The following SPINK1 variants were observed in gnomAD, a reference collection of about 807,000 sequenced individuals.
SPINK1 encodes the protein serine peptidase inhibitor Kazal type 1, also known as serine protease inhibitor Kazal-type 1.
SPINK1 carries 5 observed loss-of-function variants against 9.5 expected under a neutral mutation model. That is an observed-to-expected ratio of 0.52 (90% CI 0.27 to 1.10). SPINK1 has a LOEUF of 1.10. SPINK1 is among the 50% of genes least tolerant of loss of function. SPINK1 has a pLI of 0.11. For missense variants in SPINK1, 88 were observed against 92.7 expected, an observed-to-expected ratio of 0.95 and a Z score of 0.21; for synonymous variants, 37 against 32.3, an observed-to-expected ratio of 1.14 and a Z score of -0.49.
rs1463001478 is a variant in SPINK1, at chr5:147,831,571, C to G, written c.7G>C (p.Val3Leu). Residue 3 changes from valine (V) to leucine (L), a missense_variant, in exon 1 of 4, where the codon GTA becomes CTA. By Grantham distance (32) the Val-to-Leu change is conservative (BLOSUM62 1). Coordinates refer to ENST00000296695, the MANE Select transcript of SPINK1 (RefSeq NM_001379610.1). The stretch of plus-strand genomic sequence containing the variant: ...GCACTGAGAAGAAAGATGCCTGTTA[C>G]CTTCATGGCTGAAGTTCTGCGTCCA... MK[V>L]TGIFLLSALA... 1.2e-6 allele frequency: 2 copies of G among 1,613,464 alleles called. No homozygotes were observed. The highest frequency in any genetic ancestry group is 1.3e-5 in the African/African-American group (1 of 74,906).
the SPINK1 span, among the ~76,000 whole-genome samples, chr5:147,837,133 A>AT: frequency 1.4e-4 from 21 of 152,114 alleles, no homozygotes; most frequent in African/African-American, 5.1e-4. Context: ...TAAAATTCAA[A>AT]TTTTTTTTGT....
intron 2 of SPINK1, among the ~76,000 whole-genome samples, chr5:147,828,360 T>C (rs1304338115): frequency 2.6e-5 from 4 of 152,204 alleles, no homozygotes; most frequent in Non-Finnish European, 4.4e-5. Context: ...CTTCTGAAAC[T>C]CAGTCAGTTC....
chr5:147,837,649 T>TTTTCTTCTTTCTTTCTTTCTTTCTTTC, the SPINK1 span, among the ~76,000 whole-genome samples: 1 of 107,032 alleles, frequency 9.3e-6, no homozygotes, highest in African/African-American at 3.7e-5. Flanking sequence ...CATTAACTTC[T>TTTTCTTCTTTCTTTCTTTCTTTCTTTC]TTTCTTTCTT....
At chr5:147,834,668 G>A (rs1361904900), upstream of SPINK1, among the ~76,000 whole-genome samples, 2 of 152,008 alleles carry the variant, frequency 1.3e-5, no homozygotes, top group Non-Finnish European at 2.9e-5. Flanking sequence ...TGGGGAGAAG[G>A]GAATTGGCTG....
In SPINK1 at chr5:147,831,652, G is replaced by A; in HGVS notation, c.-75C>T. The A allele has an allele frequency of 6.3e-7, 1 of 1,596,820 alleles. No homozygotes were observed. Among genetic ancestry groups the A allele is most frequent in the Admixed American group, 1.7e-5 (1 of 58,788 alleles). On this transcript the variant is annotated 5_prime_UTR_variant, in exon 1 of 4. Transcript: ENST00000296695. Reference sequence around the variant, plus strand: ...CACGTCTCTTCAGAAGCCTGGGACTGGAAGGGTCATATGGCAGATGGCAGC... The same window carrying A: ...CACGTCTCTTCAGAAGCCTGGGACTAGAAGGGTCATATGGCAGATGGCAGC...
chr5:147,826,120 T>C (rs2436411), intron 3 of SPINK1, among the ~76,000 whole-genome samples: 2 of 152,178 alleles, frequency 1.3e-5, no homozygotes. Context: ...CAGATTCCCT[T>C]TGAAGACGTA....
chr5:147,826,417 G>T (rs187345815), intron 3 of SPINK1, among the ~76,000 whole-genome samples: 3 of 152,178 alleles, frequency 2.0e-5, no homozygotes, highest in Non-Finnish European at 4.4e-5. Flanking sequence ...GCATACAAAT[G>T]TGCCTCCCAT....
chr5:147,826,492 G>A (rs1174923794), intron 3 of SPINK1, among the ~76,000 whole-genome samples: 1 of 152,182 alleles, frequency 6.6e-6, no homozygotes. Flanking sequence ...AGGCTAAGCA[G>A]ATAGGGTGTT....
chr5:147,831,696 C>A, upstream of SPINK1: 1 of 1,538,960 alleles, frequency 6.5e-7, no homozygotes, highest in East Asian at 2.4e-5. Context: ...ACCTACTGGG[C>A]TATATCACAG....
Position 147,829,618 on chromosome 5 carries a change from G to A in SPINK1, c.68C>T (p.Ala23Val), listed in dbSNP as rs995510510. The A allele has an allele frequency of 6.2e-7, 1 of 1,612,548 alleles. No individual in the cohort carries two copies. The highest frequency in any genetic ancestry group is 1.1e-5 in the South Asian group (1 of 91,054). ...ALLSLSGNTGADSLGREAKCY... is the reference protein window; with the variant it reads ...ALLSLSGNTGVDSLGREAKCY... ...CTTTACCTCTCTTCCCAGGGAGTCAGCTCCAGTGTTACCTAGAAATAAATC... is the reference window on the plus strand; with the variant it reads ...CTTTACCTCTCTTCCCAGGGAGTCAACTCCAGTGTTACCTAGAAATAAATC... The change falls in exon 2 of 4, where the codon GCT becomes GTT. Residue 23 changes from alanine to valine, a missense_variant. By Grantham distance (64) the Ala-to-Val change is moderately conservative. Coordinates refer to ENST00000296695, the MANE Select transcript of SPINK1 (RefSeq NM_001379610.1).
chr5:147,831,530 A>G lies in SPINK1; in HGVS notation c.48T>C (p.Ser16=). Residue 16 remains serine (S), a synonymous_variant, in exon 1 of 4, where the codon AGT becomes AGC. Coordinates refer to ENST00000296695, the MANE Select transcript of SPINK1 (RefSeq NM_001379610.1). ...IFLLSALALL[S]LSGNTGADSL... ...AAAATATGCAACACTTACCAGATAGACTCAACAGGGCCAAGGCACTGAGAA... is the reference window on the plus strand; with the variant it reads ...AAAATATGCAACACTTACCAGATAGGCTCAACAGGGCCAAGGCACTGAGAA... 8 of 1,613,580 alleles carry G rather than the reference A, an allele frequency of 5.0e-6. No individual in the cohort carries two copies. Among genetic ancestry groups the G allele is most frequent in the Non-Finnish European group, 6.8e-6 (8 of 1,179,842 alleles).
chr5:147,837,706 T>C, the SPINK1 span, among the ~76,000 whole-genome samples: 162 of 148,436 alleles, frequency 1.1e-3, no homozygotes, highest in African/African-American at 3.9e-3. Flanking sequence ...TCTTTCTTTC[T>C]TTCTTTCTTT....
At chr5:147,837,383 T>G in the SPINK1 span, among the ~76,000 whole-genome samples, 2 of 152,094 alleles carry the variant, frequency 1.3e-5, no homozygotes, top group South Asian at 4.1e-4. Context: ...AATGATGAAT[T>G]AGGGACTGTG....
At chr5:147,834,271 T>G (rs1756558019), upstream of SPINK1, among the ~76,000 whole-genome samples, 1 of 152,212 alleles carries the variant, frequency 6.6e-6, no homozygotes, top group Non-Finnish European at 1.5e-5. Context: ...TGTATATATT[T>G]CTGAAGACCA....
At chr5:147,837,659 T>C in the SPINK1 span, among the ~76,000 whole-genome samples, 1 of 109,394 alleles carries the variant, frequency 9.1e-6, no homozygotes. Context: ...TTTTCTTTCT[T>C]TCTTTCTTTC....
At chr5:147,829,692 A>T in intron 1 of SPINK1, 62 bp from the exon 2 acceptor site, 2 of 1,470,354 alleles carry the variant, frequency 1.4e-6, no homozygotes, top group Non-Finnish European at 1.9e-6. Flanking sequence ...TCTATTCTTC[A>T]TCAGAATTCT....
intron 1 of SPINK1, among the ~76,000 whole-genome samples, chr5:147,831,105 T>A (rs558617492): frequency 1.3e-5 from 2 of 152,314 alleles, no homozygotes; most frequent in South Asian, 4.1e-4. Context: ...AAATTTTTAA[T>A]CAGTCAAATT....
At chr5:147,830,398 T>C (rs1756488689) in intron 1 of SPINK1, among the ~76,000 whole-genome samples, 1 of 152,156 alleles carries the variant, frequency 6.6e-6, no homozygotes, top group African/African-American at 2.4e-5. Flanking sequence ...AGCAATCAAA[T>C]AAGGAAACAT....
the SPINK1 span, among the ~76,000 whole-genome samples, chr5:147,839,182 G>A: frequency 6.6e-6 from 1 of 152,294 alleles, no homozygotes; most frequent in South Asian, 2.1e-4. Context: ...CATGGCAGCA[G>A]CAAGGAGAAG....
Sources: allele counts gnomAD v4.1 joint callset (sites outside exome capture counted in the v4.1 genomes callset), GRCh38; gene constraint gnomAD v4.1.1; transcripts MANE v1.5; gene names NCBI Gene and HGNC (gene_info 2026-07-23, HGNC 2026-07-21).